The following NLRC5 variants were observed in gnomAD, a reference collection of about 807,000 sequenced individuals.
The protein encoded by NLRC5 is protein NLRC5.
A neutral mutation model predicts 206.9 loss-of-function variants in NLRC5; 114 were observed. That is an observed-to-expected ratio of 0.55 (90% confidence interval 0.47 to 0.64). The LOEUF (loss-of-function observed/expected upper bound fraction) is 0.64. Among genes scored for constraint, NLRC5 ranks in the 30% least tolerant of loss-of-function variants. The probability of loss-of-function intolerance (pLI) is 0.00; values close to 1 mark genes in which losing one functional copy is unlikely to be tolerated. For synonymous variants in NLRC5, 952 were observed against 962.8 expected, an observed-to-expected ratio of 0.99 and a Z score of 0.21; for missense variants, 2,008 against 2,305.5, an observed-to-expected ratio of 0.87 and a Z score of 2.64.
intron 1 of NLRC5, among the ~76,000 whole-genome samples, chr16:57,006,246 G>T (rs374054212): frequency 6.6e-6 from 1 of 151,698 alleles, no homozygotes; most frequent in African/African-American, 2.4e-5. Context: ...TGATCTGCCC[G>T]CCTTTGCCCC....
intron 33 of NLRC5, among the ~76,000 whole-genome samples, chr16:57,065,683 A>G (rs1278116744): frequency 3.9e-5 from 6 of 152,240 alleles, no homozygotes; most frequent in Non-Finnish European, 5.9e-5. Context: ...CATCCCACTC[A>G]GCTATGTTCA....
Position 57,025,940 on chromosome 16 carries a change from A to C in NLRC5, c.997A>C (p.Asn333His). ...PVLTLFSHLC[N>H]GTLLPGCRVM... The stretch of plus-strand genomic sequence containing the variant: ...CCTCACCCTTTTCTCCCATCTCTGC[A>C]ATGGGACCCTCCTGCCTGGCTGCCG... Residue 333 changes from asparagine (N) to histidine (H), a missense_variant, in exon 6 of 49, where the codon AAT (asparagine) becomes CAT (histidine). Asn to His is a moderately conservative substitution (Grantham distance 68). Coordinates refer to ENST00000688547, the MANE Select transcript of NLRC5 (RefSeq NM_001384950.1). 1.2e-6 allele frequency: 2 copies of C among 1,614,114 alleles called. No individual in the cohort carries two copies. The highest frequency in any genetic ancestry group is 1.7e-6 in the Non-Finnish European group (2 of 1,180,022).
intron 8 of NLRC5, among the ~76,000 whole-genome samples, 154 bp from the exon 9 acceptor site, chr16:57,029,619 G>A (rs773844121): frequency 5.3e-5 from 8 of 152,182 alleles, no homozygotes; most frequent in Non-Finnish European, 1.5e-5. Flanking sequence ...CCTCCTAGCC[G>A]TGCCTGCTGG....
In NLRC5 at chr16:57,036,610, T is replaced by G. The variant is rs60611282; in HGVS notation, c.2711+427T>G. Among the ~76,000 whole-genome samples the G allele has an allele frequency of 3.4e-4, 52 of 151,132 alleles. 3 individuals carry two copies. In the East Asian group the frequency reaches 3.7e-3, roughly 11 times the overall value. ...GGGGTGGTGAGATGGAAAGGTAGGC[T>G]ATTAGGCTGCTGGGTGTGCTGTGGT... On this transcript the variant is annotated intron_variant, in intron 14 of 48. Coordinates refer to ENST00000688547, the MANE Select transcript of NLRC5 (RefSeq NM_001384950.1).
At chr16:57,031,731 A>C (rs1398292428) in intron 11 of NLRC5, among the ~76,000 whole-genome samples, 1 of 148,050 alleles carries the variant, frequency 6.8e-6, no homozygotes, top group Admixed American at 6.9e-5. Flanking sequence ...ACATAAAGAT[A>C]CTGTTAGACT....
At chr16:57,034,555 C>G (rs943661578) in intron 13 of NLRC5, 1 of 321,146 alleles carries the variant, frequency 3.1e-6, no homozygotes, top group Non-Finnish European at 5.9e-6. Flanking sequence ...CTCAAGGCCA[C>G]ACAGGTAGGA....
At chr16:56,996,959 TC>T (rs1244133842) in intron 1 of NLRC5, among the ~76,000 whole-genome samples, 2 of 152,162 alleles carry the variant, frequency 1.3e-5, no homozygotes, top group African/African-American at 4.8e-5. Flanking sequence ...AGCCTCAACT[TC>T]CTGGGCTCAG....
At chr16:57,055,352 G>A (rs1395239576) in intron 26 of NLRC5, 81 bp from the exon 27 acceptor site, 5 of 1,323,284 alleles carry the variant, frequency 3.8e-6, no homozygotes, top group Non-Finnish European at 5.4e-6. Context: ...CCCAGAGGCT[G>A]TGCCCTGGGC....
intron 23 of NLRC5, chr16:57,048,454 G>T (rs12448377): frequency 0.092 from 13,985 of 152,070 alleles, 857 homozygotes; most frequent in Non-Finnish European, 0.13. Flanking sequence ...CAGATAATCC[G>T]GTTTGACCCC....
rs748952382 is a variant in NLRC5, at chr16:57,026,685, C to T, written c.1742C>T (p.Ala581Val). The change falls in exon 6 of 49, where the codon GCG (alanine) becomes GTG (valine). Residue 581 changes from alanine to valine, a missense_variant. Coordinates refer to ENST00000688547, the MANE Select transcript of NLRC5 (RefSeq NM_001384950.1). The part of the protein sequence containing the change: ...CTCRPFLSHL[A>V]QGNEDCVGAK... ...TGCCGCCCCTTCCTTAGCCACCTGG[C>T]GCAGGGCAATGAGGACTGTGTGGGT... The T allele has an allele frequency of 9.3e-6, 15 of 1,613,940 alleles. No individual in the cohort carries two copies. Among genetic ancestry groups the T allele is most frequent in the Middle Eastern group, 3.3e-4 (2 of 6,084 alleles).
chr16:57,000,063 A>C (rs767396431), intron 1 of NLRC5, among the ~76,000 whole-genome samples: 3 of 152,204 alleles, frequency 2.0e-5, no homozygotes, highest in Non-Finnish European at 4.4e-5. Flanking sequence ...GCCGTCGTGC[A>C]GACAAGCATG....
intron 32 of NLRC5, chr16:57,062,071 A>G (rs1203657974): frequency 1.6e-5 from 21 of 1,292,604 alleles, no homozygotes; most frequent in Non-Finnish European, 2.0e-5. Context: ...AGAAAGAATA[A>G]TTTTTTAAAA....
At chr16:57,003,193 C>T (rs926733157) in intron 1 of NLRC5, among the ~76,000 whole-genome samples, 8 of 152,178 alleles carry the variant, frequency 5.3e-5, no homozygotes, top group Non-Finnish European at 8.8e-5. Context: ...GGATTACAGG[C>T]GCCTGCCACC....
At position 57,051,640 on chromosome 16, in the gene NLRC5, C is replaced by T. The variant is rs1315115961; in HGVS notation, c.3506+19C>T. The T allele has an allele frequency of 2.9e-5, 46 of 1,601,320 alleles. No homozygotes were observed. The highest frequency in any genetic ancestry group is 3.8e-5 in the Non-Finnish European group (44 of 1,168,406). On this transcript the variant is annotated intron_variant, in intron 24 of 48. Transcript: ENST00000688547. ...TGCTGCAGTAAGACGAGAGTTTTTC[C>T]TATTTCCCGGTTCCTTGTGCTCGTG...
intron 2 of NLRC5, among the ~76,000 whole-genome samples, chr16:57,019,143 C>A (rs570054430): frequency 8.9e-4 from 136 of 152,246 alleles, no homozygotes; most frequent in South Asian, 1.7e-3. Flanking sequence ...ACCTGTAATC[C>A]CAGCACTTTG....
intron 47 of NLRC5, 117 bp downstream of exon 47, chr16:57,081,298 A>G: frequency 9.2e-7 from 1 of 1,092,390 alleles, no homozygotes; most frequent in East Asian, 2.6e-5. Context: ...TGAGTTGCAC[A>G]CTCTGGCCTG....
intron 36 of NLRC5, among the ~76,000 whole-genome samples, chr16:57,068,788 C>T (rs1400634606): frequency 6.6e-6 from 1 of 152,182 alleles, no homozygotes; most frequent in Non-Finnish European, 1.5e-5. Context: ...CAGGATCACA[C>T]GTCTCATTTA....
chr16:57,082,293 A>C (rs1597477997), intron 48 of NLRC5, 124 bp from the exon 49 acceptor site: 1 of 705,702 alleles, frequency 1.4e-6, no homozygotes, highest in South Asian at 2.0e-5. Context: ...CTGGTCTAAC[A>C]CCTGCCTCTG....
chr16:57,061,676 C>T lies in NLRC5; in HGVS notation c.4129C>T (p.Arg1377Ter). 2 of 1,608,462 alleles carry T rather than the reference C, an allele frequency of 1.2e-6. No individual in the cohort carries two copies. Among genetic ancestry groups the T allele is most frequent in the South Asian group, 1.1e-5 (1 of 90,838 alleles). ...QLAILLSLVGRPAGLFSLRVQ... is the reference protein window; with the variant it reads ...QLAILLSLVG ...GGCCATCCTCCTGAGCTTGGTGGGG[C>T]GACCCGCAGGGCTGTTCAGCCTCAG... Residue 1377 changes from arginine to a stop codon, truncating the protein, a stop_gained, in exon 32 of 49, where the codon CGA (arginine) becomes TGA (stop). Coordinates refer to ENST00000688547, the MANE Select transcript of NLRC5 (RefSeq NM_001384950.1). LOFTEE classifies it high-confidence loss of function.
Sources: allele counts gnomAD v4.1 joint callset (sites outside exome capture counted in the v4.1 genomes callset), GRCh38; gene constraint gnomAD v4.1.1; transcripts MANE v1.5; gene names NCBI Gene and HGNC (gene_info 2026-07-23, HGNC 2026-07-21).